Variants in EXOC6 observed in about 807,000 individuals in gnomAD.
EXOC6 encodes SEC15-like 1.
In EXOC6, 60 loss-of-function variants were observed where a neutral mutation model predicts 112.5. That is an observed-to-expected ratio of 0.53 (90% confidence interval 0.43 to 0.66). The LOEUF is 0.66. Among genes scored for constraint, EXOC6 ranks in the 30% least tolerant of loss-of-function variants. The pLI, the probability that EXOC6 is intolerant of heterozygous loss-of-function variation, is 0.00. For synonymous variants in EXOC6, 295 were observed against 308.0 expected, an observed-to-expected ratio of 0.96 and a Z score of 0.44; for missense variants, 855 against 957.1, an observed-to-expected ratio of 0.89 and a Z score of 1.41.
chr10:92,925,455 T>C (rs948609563), intron 8 of EXOC6, among the ~76,000 whole-genome samples: 1 of 151,988 alleles, frequency 6.6e-6, no homozygotes, highest in African/African-American at 2.4e-5. Context: ...CTACCACATA[T>C]GGCTAATTTT....
intron 16 of EXOC6, 142 bp downstream of exon 16, chr10:92,954,883 C>G: frequency 1.9e-6 from 1 of 514,254 alleles, no homozygotes; most frequent in South Asian, 3.0e-5. Flanking sequence ...AATAAAAACA[C>G]CAGTGTAAAT....
rs775251237 is a variant in EXOC6 at position 93,058,251 on chromosome 10, A to G, written c.2311A>G (p.Ile771Val). 5.0e-6 allele frequency: 8 copies of G among 1,607,868 alleles called. No individual in the cohort carries two copies. Among genetic ancestry groups the G allele is most frequent in the Non-Finnish European group, 3.4e-6 (4 of 1,178,666 alleles). The change falls in exon 22 of 22, where the codon ATA becomes GTA. Residue 771 changes from isoleucine to valine, a missense_variant. Ile to Val is a conservative substitution (Grantham distance 29, BLOSUM62 3). Transcript: ENST00000260762. Reference protein sequence around the residue: ...KMKDTSKKNNIFAQFRKNDRD... With the variant: ...KMKDTSKKNNVFAQFRKNDRD... ...GAAGGATACTAGCAAAAAGAACAAT[A>G]TATTTGCTCAGTTCAGGAAGAATGA...
intron 20 of EXOC6, among the ~76,000 whole-genome samples, chr10:93,032,066 T>C (rs1183787415): frequency 6.6e-6 from 1 of 150,632 alleles, no homozygotes; most frequent in Non-Finnish European, 1.5e-5. Flanking sequence ...TAGTTTTCTA[T>C]TGATTTTTTC....
At chr10:93,033,149 G>A (rs1243988171) in intron 20 of EXOC6, among the ~76,000 whole-genome samples, 1 of 152,128 alleles carries the variant, frequency 6.6e-6, no homozygotes, top group Admixed American at 6.5e-5. Context: ...GCAGGTTAGT[G>A]TCATACTCTG....
intron 1 of EXOC6, among the ~76,000 whole-genome samples, chr10:92,852,329 T>G (rs1589698182): frequency 1.3e-5 from 2 of 152,164 alleles, no homozygotes; most frequent in African/African-American, 4.8e-5. Flanking sequence ...AAGACTTTTC[T>G]GGAAAATTGA....
At position 92,912,984 on chromosome 10, in the gene EXOC6, G is replaced by A. The variant is rs532366157; in HGVS notation, c.664-2774G>A. ...TTGGTGATGTGAAACCTCCCTGACT[G>A]CACGTCCATTCATAGGCTCTCTGCA... On this transcript the variant is annotated intron_variant, in intron 6 of 21. Transcript: ENST00000260762. Among the ~76,000 whole-genome samples, 17 of 152,268 alleles carry A rather than the reference G, an allele frequency of 1.1e-4. No homozygotes were observed. In the East Asian group the frequency reaches 3.3e-3, roughly 29 times the overall value.
chr10:92,988,986 C>A (rs1290766144), intron 18 of EXOC6, among the ~76,000 whole-genome samples: 1 of 152,216 alleles, frequency 6.6e-6, no homozygotes, highest in African/African-American at 2.4e-5. Flanking sequence ...CAACCTCTTT[C>A]ACAAAGCCTT....
At position 92,848,633 on chromosome 10, in the gene EXOC6, C is replaced by T. The variant is rs147113843; in HGVS notation, c.100C>T (p.Arg34Trp). ...TDTACVGPTLRSVYDDQPNAH... is the reference protein window; with the variant it reads ...TDTACVGPTLWSVYDDQPNAH... The stretch of plus-strand genomic sequence containing the variant: ...CACCGCCTGTGTGGGGCCCACCCTC[C>T]GGTAAAGATCTCATCCCACCGGGAC... The change falls in exon 1 of 22, where the codon CGG becomes TGG. Residue 34 changes from arginine (R) to tryptophan (W), a missense_variant and splice_region_variant. By Grantham distance (101) the Arg-to-Trp change is moderately radical. Around this residue, in one of 2 missense-constraint regions of EXOC6, gnomAD observed 405 missense variants for 393.6 expected, o/e 1.03. Coordinates refer to ENST00000260762, the MANE Select transcript of EXOC6 (RefSeq NM_019053.6). 1.4e-6 allele frequency: 2 copies of T among 1,412,592 alleles called. No homozygotes were observed. Among genetic ancestry groups the T allele is most frequent in the African/African-American group, 1.5e-5 (1 of 66,306 alleles). 87.5% of individuals were successfully genotyped at this position (1,412,592 alleles called of 1,614,324 possible).
At chr10:92,952,531 G>T in intron 15 of EXOC6, 149 bp downstream of exon 15, 1 of 632,470 alleles carries the variant, frequency 1.6e-6, no homozygotes, top group Non-Finnish European at 2.8e-6. Context: ...GTAATGCTGA[G>T]ATTTGGGGTA....
intron 17 of EXOC6, among the ~76,000 whole-genome samples, chr10:92,957,304 G>T (rs557817675): frequency 6.6e-6 from 1 of 152,192 alleles, no homozygotes; most frequent in Non-Finnish European, 1.5e-5. Context: ...AGTACCCTCT[G>T]ATTAAAACAT....
chr10:92,992,936 C>T (rs929209934), intron 18 of EXOC6, among the ~76,000 whole-genome samples: 1 of 151,460 alleles, frequency 6.6e-6, no homozygotes, highest in South Asian at 2.1e-4. Flanking sequence ...AAATTTAATT[C>T]ATTAAAATAC....
chr10:93,015,369 G>A, intron 20 of EXOC6, among the ~76,000 whole-genome samples: 1 of 152,194 alleles, frequency 6.6e-6, no homozygotes, highest in Admixed American at 6.5e-5. Context: ...AAATATAAAA[G>A]TAATATAAGA....
At chr10:92,936,563 C>G (rs1478232051) in intron 12 of EXOC6, among the ~76,000 whole-genome samples, 1 of 152,148 alleles carries the variant, frequency 6.6e-6, no homozygotes, top group African/African-American at 2.4e-5. Flanking sequence ...CCACTGCGCT[C>G]CCCTGGGCAA....
chr10:93,041,733 A>G (rs1216134116), intron 20 of EXOC6, among the ~76,000 whole-genome samples: 1 of 151,574 alleles, frequency 6.6e-6, no homozygotes, highest in Non-Finnish European at 1.5e-5. Flanking sequence ...TATTTATGAG[A>G]TGGAGTCTTG....
chr10:93,054,677 T>C (rs539188799), intron 20 of EXOC6, among the ~76,000 whole-genome samples: 1 of 152,226 alleles, frequency 6.6e-6, no homozygotes, highest in Non-Finnish European at 1.5e-5. Context: ...TGCGGGTTTT[T>C]CATTCATTAA....
At chr10:93,047,327 C>T (rs774307300) in intron 20 of EXOC6, among the ~76,000 whole-genome samples, 5 of 149,902 alleles carry the variant, frequency 3.3e-5, no homozygotes, top group East Asian at 2.0e-4. Context: ...ACTTGAGCCC[C>T]GGAGTTCGAG....
At chr10:92,998,662 ACAC>A (rs1843607763) in intron 19 of EXOC6, among the ~76,000 whole-genome samples, 2 of 150,060 alleles carry the variant, frequency 1.3e-5, no homozygotes, top group African/African-American at 5.0e-5. Flanking sequence ...ACACACACAC[ACAC>A]TCCAAAGTTT....
chr10:93,012,449 C>T (rs1035684859), intron 19 of EXOC6, among the ~76,000 whole-genome samples: 1 of 152,048 alleles, frequency 6.6e-6, no homozygotes, highest in African/African-American at 2.4e-5. Flanking sequence ...TAATGGTGAC[C>T]CAGAGAATTA....
At chr10:93,017,709 A>G (rs1590049575) in intron 20 of EXOC6, among the ~76,000 whole-genome samples, 1 of 151,898 alleles carries the variant, frequency 6.6e-6, no homozygotes, top group South Asian at 2.1e-4. Context: ...ATATTTCAAA[A>G]GCTATTGAAA....
Sources: gnomAD v4.1 joint callset for allele counts (sites outside exome capture counted in the v4.1 genomes callset) on GRCh38, gnomAD v4.1.1 for gene constraint, gnomAD v4.1.1 regional missense constraint, MANE v1.5 for transcripts, NCBI Gene and HGNC (gene_info 2026-07-23, HGNC 2026-07-21) for gene names.